Variants in MYO16 observed in about 807,000 individuals in gnomAD.
MYO16 encodes the protein unconventional myosin-XVI.
In MYO16, 94 loss-of-function variants were observed where a neutral mutation model predicts 205.3. The observed-to-expected ratio is 0.46, with a 90% CI of 0.39 to 0.54. The LOEUF (loss-of-function observed/expected upper bound fraction) is 0.54, where lower values mean the gene tolerates loss of function less well. Ranked by LOEUF, MYO16 falls within the 20% of genes least tolerant of loss-of-function variation. MYO16 has a pLI of 0.00. For missense variants in MYO16, 2,315 were observed against 2,387.5 expected, an observed-to-expected ratio of 0.97 and a Z score of 0.63; for synonymous variants, 988 against 954.0, an observed-to-expected ratio of 1.04 and a Z score of -0.66.
chr13:108,504,827 G>A, the MYO16 span, among the ~76,000 whole-genome samples: 5 of 152,108 alleles, frequency 3.3e-5, no homozygotes, highest in Admixed American at 1.3e-4. Context: ...GAGCCACCAC[G>A]CCCTGCCAAT....
chr13:108,810,227 T>C (rs2138991213), intron 7 of MYO16, among the ~76,000 whole-genome samples: 1 of 152,344 alleles, frequency 6.6e-6, no homozygotes, highest in Admixed American at 6.5e-5. Flanking sequence ...CGTATGTCTT[T>C]ACTACTTTGT....
At chr13:108,779,131 A>G (rs1019094182) in intron 4 of MYO16, among the ~76,000 whole-genome samples, 8 of 152,118 alleles carry the variant, frequency 5.3e-5, no homozygotes, top group African/African-American at 1.9e-4. Context: ...TTATTTTAGT[A>G]ATCCAAGCGG....
At chr13:108,633,136 A>T (rs970984133) in intron 1 of MYO16, among the ~76,000 whole-genome samples, 6 of 152,180 alleles carry the variant, frequency 3.9e-5, no homozygotes, top group Admixed American at 1.3e-4. Flanking sequence ...CATTTACAAC[A>T]CCTAAGAACG....
chr13:108,845,154 T>G (rs1877454923), intron 10 of MYO16, among the ~76,000 whole-genome samples: 1 of 152,212 alleles, frequency 6.6e-6, no homozygotes, highest in Non-Finnish European at 1.5e-5. Flanking sequence ...TGTATCTAAT[T>G]TTTAATATTT....
intron 1 of MYO16, among the ~76,000 whole-genome samples, chr13:108,660,420 T>C (rs1437965116): frequency 6.6e-6 from 1 of 152,196 alleles, no homozygotes; most frequent in Non-Finnish European, 1.5e-5. Flanking sequence ...ATTTCTTAGG[T>C]CTATTAGTAA....
At chr13:109,013,108 T>TCCCCCCCCCCCC (rs1177754621) in intron 22 of MYO16, among the ~76,000 whole-genome samples, 34 of 32,618 alleles carry the variant, frequency 1.0e-3, no homozygotes, top group Middle Eastern at 0.018. Context: ...ATGCTACCCC[T>TCCCCCCCCCCCC]CCCCCACCCC....
intron 6 of MYO16, among the ~76,000 whole-genome samples, chr13:108,795,530 T>G (rs1175894586): frequency 6.6e-6 from 1 of 152,222 alleles, no homozygotes; most frequent in Non-Finnish European, 1.5e-5. Flanking sequence ...TTTTAAATCA[T>G]ACTTTCCTAA....
chr13:109,203,822 A>G (rs1232909394), intron 34 of MYO16, among the ~76,000 whole-genome samples: 3 of 152,226 alleles, frequency 2.0e-5, no homozygotes, highest in Non-Finnish European at 4.4e-5. Flanking sequence ...TCTGCTTTCT[A>G]TAAACTTTGG....
At position 108,609,490 on chromosome 13, in the gene MYO16, A is replaced by C. The variant is rs139211078; in HGVS notation, c.-39+13251A>C. 3.1e-3 allele frequency among the ~76,000 whole-genome samples: 469 copies of C among 152,280 alleles called. 1 individual carries two copies. The highest frequency in any genetic ancestry group is 0.01 in the African/African-American group (430 of 41,560). ...GGTGCTCAATGCTATCAGCCAAGTG[A>C]ATGAATGAAGGAACAATTTTGAAGT... On this transcript the variant is annotated intron_variant, in intron 1 of 24. Coordinates refer to the MYO16 transcript ENST00000251041.
intron 4 of MYO16, among the ~76,000 whole-genome samples, chr13:108,779,338 A>T (rs1434022945): frequency 6.6e-6 from 1 of 152,238 alleles, no homozygotes; most frequent in East Asian, 1.9e-4. Context: ...ATAAATAACT[A>T]CTAACTAGTA....
At chr13:108,588,866 T>C in the MYO16 span, among the ~76,000 whole-genome samples, 1 of 152,060 alleles carries the variant, frequency 6.6e-6, no homozygotes, top group East Asian at 1.9e-4. Context: ...GAGATAAATA[T>C]ACTTTCTTTT....
chr13:108,594,223 C>T (rs891352852), upstream of MYO16, among the ~76,000 whole-genome samples: 5 of 152,206 alleles, frequency 3.3e-5, no homozygotes, highest in African/African-American at 9.7e-5. Context: ...TGACAGCATC[C>T]AACCCACAGA....
At chr13:109,158,528 C>T (rs1214413687) in intron 32 of MYO16, among the ~76,000 whole-genome samples, 1 of 152,174 alleles carries the variant, frequency 6.6e-6, no homozygotes, top group African/African-American at 2.4e-5. Context: ...TCCCATAAAA[C>T]ATTTCCAAGG....
intron 9 of MYO16, among the ~76,000 whole-genome samples, chr13:108,836,168 C>T (rs1200024363): frequency 3.9e-5 from 6 of 152,292 alleles, no homozygotes; most frequent in Non-Finnish European, 1.5e-5. Context: ...ATGTCCTGCA[C>T]CCCAGCAACT....
intron 4 of MYO16, among the ~76,000 whole-genome samples, chr13:108,781,212 T>A (rs773995307): frequency 5.3e-5 from 8 of 152,236 alleles, no homozygotes; most frequent in Non-Finnish European, 8.8e-5. Context: ...CGGTAGATTT[T>A]ACAATTAATT....
chr13:108,586,267 A>G, the MYO16 span, among the ~76,000 whole-genome samples: 9 of 152,216 alleles, frequency 5.9e-5, no homozygotes, highest in Non-Finnish European at 1.3e-4. Flanking sequence ...ATTAACAAAT[A>G]AAGTTTATAA....
intron 16 of MYO16, among the ~76,000 whole-genome samples, chr13:108,950,588 C>G (rs897701896): frequency 2.0e-5 from 3 of 152,132 alleles, no homozygotes; most frequent in African/African-American, 7.2e-5. Context: ...CCCTGCATTG[C>G]TGGTGGGAAT....
intron 23 of MYO16, among the ~76,000 whole-genome samples, chr13:109,033,790 G>C (rs1886621651): frequency 6.6e-6 from 1 of 152,170 alleles, no homozygotes. Flanking sequence ...AGGGCAGGAG[G>C]TGGAAGCCAC....
At chr13:109,167,483 C>T (rs1045040757) in intron 33 of MYO16, among the ~76,000 whole-genome samples, 3 of 151,914 alleles carry the variant, frequency 2.0e-5, no homozygotes, top group African/African-American at 7.3e-5. Flanking sequence ...GGAGGCTGGG[C>T]GTAATGGCAG....
Sources: gnomAD v4.1 joint callset for allele counts (sites outside exome capture counted in the v4.1 genomes callset) on GRCh38, gnomAD v4.1.1 for gene constraint, MANE v1.5 for transcripts, NCBI Gene and HGNC (gene_info 2026-07-23, HGNC 2026-07-21) for gene names.